Variants in ITGA11 observed in about 807,000 individuals in gnomAD.
ITGA11 encodes integrin alpha-11.
Under a neutral mutation model 141.9 loss-of-function variants are expected in ITGA11, and 97 were observed. The ratio of observed to expected loss-of-function variants is 0.68; its 90% CI spans 0.58 to 0.81. ITGA11 has a LOEUF of 0.81. Ranked by LOEUF, ITGA11 falls within the 30% of genes least tolerant of loss-of-function variation. The probability of loss-of-function intolerance (pLI) is 0.00; values close to 1 mark genes in which losing one functional copy is unlikely to be tolerated. For synonymous variants in ITGA11, 658 were observed against 624.6 expected (o/e 1.05, Z -0.80); for missense variants, 1,387 against 1,559.2 (o/e 0.89, Z 1.86).
Position 68,348,827 on chromosome 15 carries a change from T to A in ITGA11, c.1131+3A>T, listed in dbSNP as rs772948168. The A allele has an allele frequency of 6.2e-7, 1 of 1,606,584 alleles. No homozygotes were observed. Among genetic ancestry groups the A allele is most frequent in the Admixed American group, 1.7e-5 (1 of 59,220 alleles). On this transcript the variant is annotated splice_donor_region_variant and intron_variant, in intron 10 of 29. Coordinates refer to ENST00000315757, the MANE Select transcript of ITGA11 (RefSeq NM_001004439.2). ...GCTCTGTGCCCGTACCTCCACCACA[T>A]ACCTCCACCACGTGCGAGGAAAAGC...
intron 2 of ITGA11, among the ~76,000 whole-genome samples, chr15:68,402,415 T>A (rs1182549987): frequency 6.6e-6 from 1 of 152,158 alleles, no homozygotes; most frequent in African/African-American, 2.4e-5. Context: ...AAGTTATTTT[T>A]AAAATTGGAG....
intron 1 of ITGA11, among the ~76,000 whole-genome samples, chr15:68,411,670 C>T (rs886067584): frequency 2.0e-5 from 3 of 152,192 alleles, no homozygotes; most frequent in African/African-American, 7.2e-5. Flanking sequence ...CATCATCAGT[C>T]TCAATTCTTC....
chr15:68,318,574 C>T (rs1424396647), intron 20 of ITGA11, among the ~76,000 whole-genome samples: 1 of 152,168 alleles, frequency 6.6e-6, no homozygotes, highest in Middle Eastern at 3.2e-3. Flanking sequence ...ACTGTGGCTG[C>T]AGATAGGCCT....
chr15:68,343,863 T>C (rs1894649711), intron 10 of ITGA11, among the ~76,000 whole-genome samples: 1 of 152,148 alleles, frequency 6.6e-6, no homozygotes, highest in Admixed American at 6.5e-5. Context: ...GCCAGGAGGC[T>C]TAAATGGGGT....
chr15:68,371,560 CA>C (rs560804624), intron 2 of ITGA11, among the ~76,000 whole-genome samples: 2 of 151,496 alleles, frequency 1.3e-5, no homozygotes, highest in Non-Finnish European at 2.9e-5. Context: ...CTAAAAAATA[CA>C]AAAAAAAGTA....
chr15:68,364,576 G>C (rs1050653294), intron 4 of ITGA11, 131 bp downstream of exon 4: 1 of 745,224 alleles, frequency 1.3e-6, no homozygotes, highest in African/African-American at 1.7e-5. Context: ...ACAGGGCCAG[G>C]CAGCTTGGTG....
In ITGA11 at chr15:68,301,029, A is replaced by G. The variant is rs1378303959; in HGVS notation, c.*2030T>C. 2.0e-5 allele frequency: 3 copies of G among 152,204 alleles called. No individual in the cohort carries two copies. The highest frequency in any genetic ancestry group is 7.2e-5 in the African/African-American group (3 of 41,442). 9.4% of individuals were successfully genotyped at this position (152,204 alleles called of 1,614,324 possible). A position where few individuals can be genotyped will look rare whatever the true frequency, so the allele number is the denominator to read the frequency against. ...TCATAAGAGTGATGACGGAAATGGA[A>G]TATGATTTAGCAACATTTCCTTCTG... is the stretch of plus-strand genomic sequence containing the variant. On this transcript the variant is annotated 3_prime_UTR_variant, in exon 30 of 30. Coordinates refer to ENST00000315757, the MANE Select transcript of ITGA11 (RefSeq NM_001004439.2). This position sits in a 1 kb window ranked among gnomAD's most constrained non-coding sequence, Gnocchi z 4.4.
chr15:68,312,897 C>A, intron 23 of ITGA11, 34 bp from the exon 24 acceptor site: 1 of 1,479,802 alleles, frequency 6.8e-7, no homozygotes, highest in South Asian at 1.1e-5. Context: ...GTCGTGAGCT[C>A]AGTCAGGGCT....
chr15:68,405,079 G>A (rs1352582289), intron 1 of ITGA11, among the ~76,000 whole-genome samples: 1 of 149,100 alleles, frequency 6.7e-6, no homozygotes, highest in Non-Finnish European at 1.5e-5. Flanking sequence ...CCCCTGCTCA[G>A]TATTCAACTG....
intron 2 of ITGA11, among the ~76,000 whole-genome samples, chr15:68,398,780 G>T (rs1896390368): frequency 6.8e-6 from 1 of 146,482 alleles, no homozygotes. Context: ...AAAATGAAAT[G>T]AATAGTATAA....
At chr15:68,425,214 G>A (rs1181042305) in intron 1 of ITGA11, among the ~76,000 whole-genome samples, 1 of 152,210 alleles carries the variant, frequency 6.6e-6, no homozygotes, top group African/African-American at 2.4e-5. Context: ...TGTGAGCAGG[G>A]CCGGTTTGAT....
intron 7 of ITGA11, 165 bp downstream of exon 7, chr15:68,356,986 A>C: frequency 1.5e-6 from 1 of 653,908 alleles, no homozygotes; most frequent in Non-Finnish European, 2.6e-6. Context: ...AGAGGACCCA[A>C]GAGAAAACCG....
chr15:68,380,330 T>C (rs1895828580), intron 2 of ITGA11, among the ~76,000 whole-genome samples: 1 of 152,204 alleles, frequency 6.6e-6, no homozygotes, highest in African/African-American at 2.4e-5. Context: ...TGACCCACGG[T>C]GAGTCACCTG....
rs1893829216 is a variant in ITGA11 at position 68,321,980 on chromosome 15, G to C, written c.2323-477C>G. Among the ~76,000 whole-genome samples, 1 of 152,256 alleles carries C rather than the reference G, an allele frequency of 6.6e-6. No individual in the cohort carries two copies. The highest frequency in any genetic ancestry group is 2.4e-5 in the African/African-American group (1 of 41,466). ...AGAGGAGAAACAGCTGTTTTGGCCT[G>C]TAGGAAGTCAGGGAAGCCTTCGAGG... On this transcript the variant is annotated intron_variant, in intron 18 of 29. Coordinates refer to ENST00000315757, the MANE Select transcript of ITGA11 (RefSeq NM_001004439.2). This position sits in a 1 kb window ranked among gnomAD's most constrained non-coding sequence, Gnocchi z 4.9.
chr15:68,301,697 T>C lies in ITGA11; in HGVS notation c.*1362A>G, dbSNP rs1893029346. ...CTCTGCCCACAGAATGGGATGTCAG[T>C]GCTTGGTTGTTTTTAAACACTGTAT... is the stretch of plus-strand genomic sequence containing the variant. On this transcript the variant is annotated 3_prime_UTR_variant, in exon 30 of 30. Transcript: ENST00000315757. This position sits in a 1 kb window ranked among gnomAD's most constrained non-coding sequence, Gnocchi z 4.4. 1 of 152,502 alleles carries C rather than the reference T, an allele frequency of 6.6e-6. No homozygotes were observed. Among genetic ancestry groups the C allele is most frequent in the South Asian group, 2.1e-4 (1 of 4,832 alleles). 9.4% of individuals were successfully genotyped at this position (152,502 alleles called of 1,614,324 possible). A position where few individuals can be genotyped will look rare whatever the true frequency, so the allele number is the denominator to read the frequency against.
rs902836872 is a variant in ITGA11, at chr15:68,421,205, G to A, written c.52+10810C>T. Among the ~76,000 whole-genome samples the A allele has an allele frequency of 3.0e-3, 27 of 9,018 alleles. 10 individuals carry two copies. The highest frequency in any genetic ancestry group is 0.045 in the Middle Eastern group (1 of 22). 5.9% of individuals were successfully genotyped at this position (9,018 alleles called of 152,430 possible). A position where few individuals can be genotyped will look rare whatever the true frequency, so the allele number is the denominator to read the frequency against. On this transcript the variant is annotated intron_variant, in intron 1 of 29. Coordinates refer to ENST00000315757, the MANE Select transcript of ITGA11 (RefSeq NM_001004439.2). ...GGAGCTTCCTCAGGTGGGAGGGGGA[G>A]GCTGGATACAGCAGCCTGCAGGAAG... is the stretch of plus-strand genomic sequence containing the variant.
intron 1 of ITGA11, among the ~76,000 whole-genome samples, chr15:68,424,878 G>C (rs1326067386): frequency 6.6e-6 from 1 of 152,246 alleles, no homozygotes; most frequent in Non-Finnish European, 1.5e-5. Context: ...GGAGACAGAA[G>C]TATCTTAATT....
chr15:68,307,575 G>C lies in ITGA11; in HGVS notation c.3285+11C>G. ...TTCTTCCTTCCAGCCCAGCCCAGGG[G>C]CTCTACTTACTGCTTTTAGGGACCT... On this transcript the variant is annotated intron_variant, in intron 27 of 29. Coordinates refer to ENST00000315757, the MANE Select transcript of ITGA11 (RefSeq NM_001004439.2). The surrounding 1 kb of genome is among the most constrained non-coding windows in gnomAD (Gnocchi z 6.1). The C allele has an allele frequency of 6.3e-7, 1 of 1,595,414 alleles. No individual in the cohort carries two copies. Among genetic ancestry groups the C allele is most frequent in the African/African-American group, 1.3e-5 (1 of 74,638 alleles).
chr15:68,421,196 G>GAGCCC (rs1555402159), intron 1 of ITGA11, among the ~76,000 whole-genome samples: 4 of 149,796 alleles, frequency 2.7e-5, no homozygotes, highest in East Asian at 2.0e-4. Flanking sequence ...TCCTCAGGTG[G>GAGCCC]GAGGGGGAGG....
Sources: gnomAD v4.1 joint callset for allele counts (sites outside exome capture counted in the v4.1 genomes callset) on GRCh38, gnomAD v4.1.1 for gene constraint, Gnocchi (gnomAD v3.1) non-coding constraint, MANE v1.5 for transcripts, NCBI Gene and HGNC (gene_info 2026-07-23, HGNC 2026-07-21) for gene names.